ATRNL1: variants seen among roughly 807,000 people sequenced by gnomAD.
The protein encoded by ATRNL1 is attractin like 1, also known as attractin-like protein 1.
A neutral mutation model predicts 182.7 loss-of-function variants in ATRNL1; 95 were observed. The observed-to-expected ratio is 0.52, with a 90% CI of 0.44 to 0.62. ATRNL1 has a LOEUF of 0.62. ATRNL1 is among the 20% of genes least tolerant of loss of function. ATRNL1 has a pLI of 0.00. For synonymous variants in ATRNL1, 576 were observed against 568.3 expected (o/e 1.01, Z -0.19); for missense variants, 1,471 against 1,679.5 (o/e 0.88, Z 2.17).
intron 8 of ATRNL1, among the ~76,000 whole-genome samples, chr10:115,175,913 C>T (rs1264757): frequency 0.34 from 51,375 of 151,872 alleles, 9,058 homozygotes; most frequent in African/African-American, 0.43. Context: ...TGAACTAGTT[C>T]ACATTCCCAC....
At chr10:115,621,007 G>A (rs974227019) in intron 26 of ATRNL1, among the ~76,000 whole-genome samples, 34 of 151,134 alleles carry the variant, frequency 2.2e-4, no homozygotes, top group Non-Finnish European at 4.3e-4. Context: ...ATTCCTTGTC[G>A]CCTTGTATCA....
chr10:115,221,969 G>A (rs1016985111), intron 9 of ATRNL1, among the ~76,000 whole-genome samples: 49 of 151,780 alleles, frequency 3.2e-4, no homozygotes, highest in African/African-American at 1.1e-3. Flanking sequence ...AAAAAAGCTC[G>A]GAAGAAGATA....
chr10:115,600,832 TAA>T (rs1378919062), intron 26 of ATRNL1, among the ~76,000 whole-genome samples: 3 of 151,968 alleles, frequency 2.0e-5, no homozygotes, highest in Non-Finnish European at 4.4e-5. Context: ...CATTTTTTTC[TAA>T]ATATTTATGG....
intron 21 of ATRNL1, among the ~76,000 whole-genome samples, chr10:115,455,745 G>A (rs1847493903): frequency 6.6e-6 from 1 of 152,014 alleles, no homozygotes. Context: ...ATCTGACAAA[G>A]GGCTAATATC....
At chr10:115,432,199 A>C (rs140031979) in intron 21 of ATRNL1, among the ~76,000 whole-genome samples, 1 of 152,174 alleles carries the variant, frequency 6.6e-6, no homozygotes, top group Non-Finnish European at 1.5e-5. Flanking sequence ...TTAATGAGAT[A>C]TCTTACTTTT....
chr10:115,497,680 A>G (rs188635605), intron 24 of ATRNL1, among the ~76,000 whole-genome samples: 2 of 148,284 alleles, frequency 1.3e-5, no homozygotes, highest in East Asian at 3.9e-4. Context: ...TTTTTTTGAG[A>G]TGGAGTCTTG....
chr10:115,810,257 A>G (rs1172622852), intron 27 of ATRNL1, among the ~76,000 whole-genome samples: 1 of 151,908 alleles, frequency 6.6e-6, no homozygotes, highest in Non-Finnish European at 1.5e-5. Context: ...ATTACTTGCC[A>G]TGTCTTTTGC....
At chr10:115,467,845 C>T (rs2134557407) in intron 23 of ATRNL1, among the ~76,000 whole-genome samples, 1 of 150,560 alleles carries the variant, frequency 6.6e-6, no homozygotes, top group Non-Finnish European at 1.5e-5. Flanking sequence ...GAAATGTATT[C>T]TTACTTTAAT....
chr10:115,502,334 A>G (rs1339332530), intron 24 of ATRNL1, among the ~76,000 whole-genome samples: 1 of 152,290 alleles, frequency 6.6e-6, no homozygotes, highest in East Asian at 1.9e-4. Flanking sequence ...AGAAAAAGAC[A>G]TAATTTATAA....
At chr10:115,589,392 AT>A (rs2133912487) in intron 26 of ATRNL1, among the ~76,000 whole-genome samples, 1 of 152,264 alleles carries the variant, frequency 6.6e-6, no homozygotes, top group East Asian at 1.9e-4. Context: ...TATTCACATT[AT>A]TTTACAATTA....
chr10:115,425,291 G>A (rs1554962650), intron 20 of ATRNL1, among the ~76,000 whole-genome samples: 2 of 150,604 alleles, frequency 1.3e-5, no homozygotes, highest in African/African-American at 4.9e-5. Context: ...TTTAACTAGA[G>A]TTGAAATATA....
At chr10:115,852,462 G>A (rs1555100775) in intron 28 of ATRNL1, among the ~76,000 whole-genome samples, 1 of 152,030 alleles carries the variant, frequency 6.6e-6, no homozygotes, top group Non-Finnish European at 1.5e-5. Flanking sequence ...AGGGAAAGAG[G>A]ACCAGGCATT....
At position 115,946,311 on chromosome 10, in the gene ATRNL1, C is replaced by T. The variant is rs1953874748; in HGVS notation, c.*1532C>T. 1 of 152,128 alleles carries T rather than the reference C, an allele frequency of 6.6e-6. No homozygotes were observed. The highest frequency in any genetic ancestry group is 2.4e-5 in the African/African-American group (1 of 41,418). 9.4% of individuals were successfully genotyped at this position (152,128 alleles called of 1,614,324 possible). A position where few individuals can be genotyped will look rare whatever the true frequency, so the allele number is the denominator to read the frequency against. On this transcript the variant is annotated 3_prime_UTR_variant, in exon 29 of 29. Transcript: ENST00000355044. ...ATGGTTGTACAGTAGCAGACTATGA[C>T]CCTATTGTGATATTAAGTGTTTATT...
intron 28 of ATRNL1, among the ~76,000 whole-genome samples, chr10:115,885,054 T>C (rs782661909): frequency 3.3e-5 from 5 of 152,184 alleles, no homozygotes; most frequent in Admixed American, 1.3e-4. Flanking sequence ...CTTTAGAGAA[T>C]AGAAATTACC....
At chr10:115,183,013 T>C (rs1370667654) in intron 8 of ATRNL1, among the ~76,000 whole-genome samples, 1 of 151,400 alleles carries the variant, frequency 6.6e-6, no homozygotes, top group Non-Finnish European at 1.5e-5. Context: ...TCTTCTCAAA[T>C]GCACATGGAA....
At chr10:115,166,675 T>C (rs1343048579) in intron 7 of ATRNL1, among the ~76,000 whole-genome samples, 2 of 152,104 alleles carry the variant, frequency 1.3e-5, no homozygotes, top group Admixed American at 6.6e-5. Flanking sequence ...TCTTTTCAAG[T>C]GCTTATTGGC....
chr10:115,409,213 T>G (rs1013516390), intron 20 of ATRNL1, among the ~76,000 whole-genome samples: 28 of 152,198 alleles, frequency 1.8e-4, no homozygotes, highest in Non-Finnish European at 8.8e-5. Context: ...TGAGATGTCT[T>G]TTTATTTGTT....
intron 26 of ATRNL1, among the ~76,000 whole-genome samples, chr10:115,660,135 C>A (rs1274514168): frequency 3.3e-5 from 5 of 151,994 alleles, no homozygotes; most frequent in South Asian, 2.1e-4. Flanking sequence ...GGGGACGAAC[C>A]AATGTATATT....
intron 26 of ATRNL1, among the ~76,000 whole-genome samples, chr10:115,552,683 A>G (rs1853066419): frequency 6.6e-6 from 1 of 151,372 alleles, no homozygotes; most frequent in Admixed American, 6.6e-5. Context: ...TAGTCATGTT[A>G]TGACTTTTGA....
Sources: allele counts gnomAD v4.1 joint callset (sites outside exome capture counted in the v4.1 genomes callset), GRCh38; gene constraint gnomAD v4.1.1; transcripts MANE v1.5; gene names NCBI Gene and HGNC (gene_info 2026-07-23, HGNC 2026-07-21).